Variants in TCF12 observed in about 807,000 individuals in gnomAD.
The protein encoded by TCF12 is DNA-binding protein HTF4.
In TCF12, 45 loss-of-function variants were observed where a neutral mutation model predicts 86.0. The ratio of observed to expected loss-of-function variants is 0.52; its 90% CI spans 0.41 to 0.67. TCF12 has a LOEUF of 0.67. Ranked by LOEUF, TCF12 falls within the 30% of genes least tolerant of loss-of-function variation. The pLI is 0.00. For synonymous variants in TCF12, 330 were observed against 299.6 expected, an observed-to-expected ratio of 1.10 and a Z score of -1.05; for missense variants, 881 against 859.9, an observed-to-expected ratio of 1.02 and a Z score of -0.31.
intron 5 of TCF12, among the ~76,000 whole-genome samples, chr15:57,136,750 A>G (rs1230503038): frequency 6.6e-6 from 1 of 151,892 alleles, no homozygotes; most frequent in African/African-American, 2.4e-5. Flanking sequence ...ATCATGCCTT[A>G]TGGCAGCCTC....
intron 7 of TCF12, among the ~76,000 whole-genome samples, chr15:57,195,440 T>C (rs1226504016): frequency 6.6e-6 from 1 of 152,236 alleles, no homozygotes; most frequent in Admixed American, 6.5e-5. Context: ...TTGACTGTTT[T>C]CGTACAAGGA....
intron 13 of TCF12, chr15:57,247,120 C>T (rs1335072502): frequency 4.5e-5 from 26 of 573,938 alleles, no homozygotes; most frequent in South Asian, 6.4e-5. Context: ...TAGTTACCAC[C>T]GCCAAAATTT....
At chr15:57,104,435 C>CTTTTTTTTTTTTTTTTTTTT (rs71113062) in intron 5 of TCF12, among the ~76,000 whole-genome samples, 1 of 103,362 alleles carries the variant, frequency 9.7e-6, no homozygotes, top group Non-Finnish European at 1.9e-5. Flanking sequence ...TTTTTTTTTT[C>CTTTTTTTTTTTTTTTTTTTT]TTTTTTTTTT....
Position 57,045,657 on chromosome 15 carries a change from C to T in TCF12, c.149-18093C>T, listed in dbSNP as rs1202648683. ...ACCTCCTGGGCTCAAGCGATCCTCC[C>T]ACCTCAACCTCCCAAGTATGTAGGA... On this transcript the variant is annotated intron_variant, in intron 3 of 20. Transcript: ENST00000333725. Among the ~76,000 whole-genome samples, 3 of 152,100 alleles carry T rather than the reference C, an allele frequency of 2.0e-5. No individual in the cohort carries two copies. The East Asian group carries it at 5.8e-4, about 29-fold the overall frequency.
intron 3 of TCF12, among the ~76,000 whole-genome samples, chr15:56,986,550 A>G (rs1385098394): frequency 6.6e-6 from 1 of 152,188 alleles, no homozygotes; most frequent in East Asian, 1.9e-4. Context: ...ACTATTTATT[A>G]TGGCAGAAAC....
chr15:57,227,001 CTTA>C (rs1295118019), intron 8 of TCF12, among the ~76,000 whole-genome samples: 1 of 152,048 alleles, frequency 6.6e-6, no homozygotes, highest in Non-Finnish European at 1.5e-5. Flanking sequence ...AAGCATTCTT[CTTA>C]TTTTCTGTGG....
At chr15:57,067,336 C>A (rs1596365305) in intron 4 of TCF12, among the ~76,000 whole-genome samples, 1 of 151,734 alleles carries the variant, frequency 6.6e-6, no homozygotes, top group South Asian at 2.1e-4. Context: ...GTCAGGAGAT[C>A]GAGACCATCC....
At chr15:57,219,740 C>CG in intron 8 of TCF12, 15 of 408,340 alleles carry the variant, frequency 3.7e-5, no homozygotes, top group East Asian at 8.2e-5. Context: ...TTTTTTTTTG[C>CG]GGGGGGACGG....
intron 3 of TCF12, among the ~76,000 whole-genome samples, chr15:56,938,203 C>T (rs765568092): frequency 3.7e-4 from 55 of 150,514 alleles, no homozygotes; most frequent in Non-Finnish European, 6.8e-4. Context: ...GCTCTGTTGC[C>T]AGGCTGCAGT....
intron 3 of TCF12, among the ~76,000 whole-genome samples, chr15:57,004,707 C>A (rs1484575763): frequency 1.3e-5 from 2 of 152,104 alleles, no homozygotes; most frequent in African/African-American, 4.8e-5. Flanking sequence ...CCGCGACCGA[C>A]CCTATGCCAA....
intron 6 of TCF12, among the ~76,000 whole-genome samples, chr15:57,171,437 C>T (rs577042055): frequency 1.7e-3 from 258 of 152,016 alleles, no homozygotes; most frequent in African/African-American, 6.0e-3. Flanking sequence ...TACCTATTCA[C>T]AAGCGACAAA....
intron 12 of TCF12, among the ~76,000 whole-genome samples, chr15:57,240,021 A>T (rs1004714435): frequency 6.6e-6 from 1 of 152,238 alleles, no homozygotes; most frequent in Non-Finnish European, 1.5e-5. Flanking sequence ...ATGAAAGAAT[A>T]CTGAGACTAG....
At chr15:56,939,840 C>T (rs1188195248) in intron 3 of TCF12, among the ~76,000 whole-genome samples, 2 of 152,108 alleles carry the variant, frequency 1.3e-5, no homozygotes, top group African/African-American at 2.4e-5. Flanking sequence ...ACTTACTCTG[C>T]TCAAGGATGA....
chr15:57,025,910 T>C (rs1448275618), intron 3 of TCF12, among the ~76,000 whole-genome samples: 3 of 152,232 alleles, frequency 2.0e-5, no homozygotes, highest in Non-Finnish European at 4.4e-5. Flanking sequence ...ACTCGTCAAC[T>C]GTAGTGACTT....
At chr15:57,167,233 CTGTTT>C (rs2054964335) in intron 6 of TCF12, among the ~76,000 whole-genome samples, 1 of 152,158 alleles carries the variant, frequency 6.6e-6, no homozygotes, top group Admixed American at 6.5e-5. Context: ...ACATAACATC[CTGTTT>C]TGTGATATGC....
chr15:57,100,900 A>G (rs557028049), intron 5 of TCF12, among the ~76,000 whole-genome samples: 55 of 152,282 alleles, frequency 3.6e-4, no homozygotes, highest in East Asian at 1.2e-3. Flanking sequence ...AAGTATTACT[A>G]TTGTCTGAAG....
intron 5 of TCF12, among the ~76,000 whole-genome samples, chr15:57,112,970 A>G (rs1349068853): frequency 2.6e-5 from 4 of 152,228 alleles, no homozygotes; most frequent in Admixed American, 2.0e-4. Context: ...TTAAGTTTCA[A>G]TTAAGAATTC....
intron 3 of TCF12, among the ~76,000 whole-genome samples, chr15:57,061,389 TCAAGAC>T (rs1304636235): frequency 5.3e-5 from 8 of 151,994 alleles, no homozygotes; most frequent in Admixed American, 4.6e-4. Context: ...GGCCAGGAGT[TCAAGAC>T]CAACCTAGGC....
At chr15:57,007,969 C>T (rs1229523053) in intron 3 of TCF12, among the ~76,000 whole-genome samples, 1 of 147,590 alleles carries the variant, frequency 6.8e-6, no homozygotes, top group Admixed American at 7.1e-5. Context: ...CTGTCTCTCT[C>T]TCTCTCTCGC....
Sources: gnomAD v4.1 joint callset for allele counts (sites outside exome capture counted in the v4.1 genomes callset) on GRCh38, gnomAD v4.1.1 for gene constraint, MANE v1.5 for transcripts, NCBI Gene and HGNC (gene_info 2026-07-23, HGNC 2026-07-21) for gene names.